Variants in MIX23 observed in about 807,000 individuals in gnomAD.
MIX23 encodes protein MIX23.
In MIX23, 13 loss-of-function variants were observed where a neutral mutation model predicts 21.6. That is an observed-to-expected ratio of 0.60 (90% CI 0.39 to 0.96). MIX23 has a LOEUF of 0.96. MIX23 is among the 40% of genes least tolerant of loss of function. MIX23 has a pLI of 0.00. For synonymous variants in MIX23, 59 were observed against 58.0 expected (o/e 1.02, Z -0.08); for missense variants, 144 against 171.2 (o/e 0.84, Z 0.89).
At chr3:122,373,050 AATTATT>A (rs745786988) in intron 1 of MIX23, 11 of 395,112 alleles carry the variant, frequency 2.8e-5, no homozygotes, top group South Asian at 1.8e-4. Flanking sequence ...TTAAAATAAA[AATTATT>A]ATTATTATTA....
chr3:122,360,564 A>AT (rs1197262470), intron 4 of MIX23, among the ~76,000 whole-genome samples: 1 of 152,128 alleles, frequency 6.6e-6, no homozygotes, highest in African/African-American at 2.4e-5. Flanking sequence ...AGAAGGCAGA[A>AT]TTTTTACTGT....
Position 122,383,166 on chromosome 3 carries a change from C to A in MIX23, c.51+8G>T. ...CACATGCCTGCCACATGAGGAAAAC[C>A]CCATCACCTGGAACTCGGCGAACTC... On this transcript the variant is annotated splice_region_variant and intron_variant, in intron 1 of 4. Coordinates refer to ENST00000291458, the MANE Select transcript of MIX23 (RefSeq NM_001017928.4). 1 of 1,613,950 alleles carries A rather than the reference C, an allele frequency of 6.2e-7. No individual in the cohort carries two copies.
rs145038740 is a variant in MIX23 at position 122,383,203 on chromosome 3, C to T, written c.22G>A (p.Val8Met). MAAPSGGVNCEEFAEFQE... is the reference protein window; with the variant it reads MAAPSGGMNCEEFAEFQE... ...AACTCGGCGAACTCCTCACAGTTCA[C>T]ACCGCCACTGGGCGCCGCCATATTG... Residue 8 changes from valine to methionine, a missense_variant, in exon 1 of 5, where the codon GTG becomes ATG. Coordinates refer to ENST00000291458, the MANE Select transcript of MIX23 (RefSeq NM_001017928.4). The T allele has an allele frequency of 1.4e-5, 23 of 1,613,220 alleles. No homozygotes were observed. The African/African-American group carries it at 2.9e-4, about 21-fold the overall frequency.
intron 1 of MIX23, among the ~76,000 whole-genome samples, chr3:122,377,325 A>T (rs1231290525): frequency 2.6e-5 from 4 of 152,230 alleles, no homozygotes; most frequent in African/African-American, 9.6e-5. Flanking sequence ...AATAGAAAGT[A>T]GAGTATGCCA....
intron 1 of MIX23, among the ~76,000 whole-genome samples, chr3:122,372,757 G>C (rs1386580410): frequency 6.6e-6 from 1 of 152,052 alleles, no homozygotes; most frequent in Admixed American, 6.5e-5. Flanking sequence ...ACTGAACCCA[G>C]GAGTACAAGG....
chr3:122,378,020 T>G (rs1327548569), intron 1 of MIX23, among the ~76,000 whole-genome samples: 1 of 152,212 alleles, frequency 6.6e-6, no homozygotes, highest in African/African-American at 2.4e-5. Flanking sequence ...GGTCCATTAT[T>G]AGAGGTCATA....
At chr3:122,362,086 T>A (rs2075362390) in intron 4 of MIX23, among the ~76,000 whole-genome samples, 1 of 152,222 alleles carries the variant, frequency 6.6e-6, no homozygotes, top group Admixed American at 6.5e-5. Flanking sequence ...CAGAGTTTCA[T>A]GAATTTTGAC....
At chr3:122,368,013 A>C in intron 3 of MIX23, 163 bp downstream of exon 3, 1 of 627,214 alleles carries the variant, frequency 1.6e-6, no homozygotes, top group South Asian at 2.0e-5. Context: ...TTAATAACTA[A>C]ACATAATAAA....
chr3:122,360,440 A>G (rs894435380), intron 4 of MIX23, among the ~76,000 whole-genome samples: 6 of 152,224 alleles, frequency 3.9e-5, no homozygotes, highest in Non-Finnish European at 8.8e-5. Context: ...TCACTTGTGT[A>G]ACAAAGGTAG....
chr3:122,379,923 C>A (rs188723697), intron 1 of MIX23, among the ~76,000 whole-genome samples: 1 of 152,240 alleles, frequency 6.6e-6, no homozygotes, highest in East Asian at 1.9e-4. Context: ...TCTTGGAATG[C>A]ATTTTATGTC....
At chr3:122,381,283 C>T (rs1340158371) in intron 1 of MIX23, among the ~76,000 whole-genome samples, 17 of 152,114 alleles carry the variant, frequency 1.1e-4, no homozygotes, top group African/African-American at 3.1e-4. Context: ...GTATCTGTTA[C>T]GGGTTGAATT....
intron 3 of MIX23, among the ~76,000 whole-genome samples, chr3:122,365,902 ACGG>A (rs1394951897): frequency 1.3e-5 from 2 of 152,050 alleles, no homozygotes; most frequent in Non-Finnish European, 2.9e-5. Flanking sequence ...CCGGCTGGAC[ACGG>A]TGGCTCATGC....
chr3:122,371,573 T>C, intron 2 of MIX23, 102 bp downstream of exon 2: 1 of 1,320,552 alleles, frequency 7.6e-7, no homozygotes, highest in Non-Finnish European at 1.1e-6. Flanking sequence ...AAAGAAAAGA[T>C]GTCATTCCTT....
At chr3:122,374,906 A>G (rs544258561) in intron 1 of MIX23, among the ~76,000 whole-genome samples, 1 of 152,334 alleles carries the variant, frequency 6.6e-6, no homozygotes, top group African/African-American at 2.4e-5. Context: ...ATAGACATCA[A>G]AAAAGGCTTT....
chr3:122,371,582 T>C, intron 2 of MIX23, 93 bp downstream of exon 2: 1 of 1,407,024 alleles, frequency 7.1e-7, no homozygotes. Flanking sequence ...ATGTCATTCC[T>C]TTAGTCACAG....
chr3:122,382,214 G>C (rs1298914297), intron 1 of MIX23, among the ~76,000 whole-genome samples: 1 of 152,092 alleles, frequency 6.6e-6, no homozygotes, highest in Non-Finnish European at 1.5e-5. Flanking sequence ...AACACTTTAG[G>C]CCGGGCGTGG....
At chr3:122,368,140 A>C in intron 3 of MIX23, 36 bp downstream of exon 3, 1 of 1,603,632 alleles carries the variant, frequency 6.2e-7, no homozygotes. Flanking sequence ...AATTGGAAAA[A>C]CTTTGCCTGA....
At chr3:122,369,438 A>G (rs2075421485) in intron 2 of MIX23, among the ~76,000 whole-genome samples, 1 of 152,216 alleles carries the variant, frequency 6.6e-6, no homozygotes, top group Non-Finnish European at 1.5e-5. Context: ...AGCAACTTGG[A>G]TATTTCATAG....
intron 3 of MIX23, among the ~76,000 whole-genome samples, chr3:122,366,267 T>A (rs2075395911): frequency 1.3e-5 from 2 of 152,136 alleles, no homozygotes; most frequent in South Asian, 4.1e-4. Context: ...AAGATCAACA[T>A]CACTGCATAA....
Sources: gnomAD v4.1 joint callset for allele counts (sites outside exome capture counted in the v4.1 genomes callset) on GRCh38, gnomAD v4.1.1 for gene constraint, MANE v1.5 for transcripts, NCBI Gene and HGNC (gene_info 2026-07-23, HGNC 2026-07-21) for gene names.